SERPINB10: variants seen among roughly 807,000 people sequenced by gnomAD.
SERPINB10 encodes serpin family B member 10.
SERPINB10 carries 35 observed loss-of-function variants against 39.1 expected under a neutral mutation model. The ratio of observed to expected loss-of-function variants is 0.90; its 90% CI spans 0.68 to 1.19. SERPINB10 has a LOEUF of 1.19. Among genes scored for constraint, SERPINB10 ranks in the 50% most tolerant of loss-of-function variants. The pLI is 0.00. For synonymous variants in SERPINB10, 190 were observed against 158.1 expected (o/e 1.20, Z -1.52); for missense variants, 546 against 460.5 (o/e 1.19, Z -1.70).
chr18:63,934,214 A>G (rs1471194497), intron 7 of SERPINB10, among the ~76,000 whole-genome samples: 2 of 152,218 alleles, frequency 1.3e-5, no homozygotes, highest in East Asian at 3.8e-4. Flanking sequence ...ATTTTTGTGT[A>G]TACATATATA....
chr18:63,932,383 C>G (rs1568250664), intron 6 of SERPINB10, among the ~76,000 whole-genome samples: 1 of 152,164 alleles, frequency 6.6e-6, no homozygotes, highest in Non-Finnish European at 1.5e-5. Context: ...CAGTAAATGA[C>G]AGTGCCTGTT....
At position 63,919,934 on chromosome 18, in the gene SERPINB10, G is replaced by A. The variant is rs200005484; in HGVS notation, c.490+29G>A. On this transcript the variant is annotated intron_variant, in intron 5 of 7. Coordinates refer to ENST00000238508, the MANE Select transcript of SERPINB10 (RefSeq NM_005024.3). Reference sequence around the variant, plus strand: ...AGCTTTCACCAAGGGGTTTGGCAGCGTGCTTTTCCCAAACATCCTTGTATT... The same window carrying A: ...AGCTTTCACCAAGGGGTTTGGCAGCATGCTTTTCCCAAACATCCTTGTATT... 1.5e-4 allele frequency: 208 copies of A among 1,400,248 alleles called. No individual in the cohort carries two copies. The African/African-American group carries it at 1.9e-3, about 13-fold the overall frequency. 86.7% of individuals were successfully genotyped at this position (1,400,248 alleles called of 1,614,324 possible).
At chr18:63,920,002 T>G (rs1417572556) in intron 5 of SERPINB10, 97 bp downstream of exon 5, 1 of 675,580 alleles carries the variant, frequency 1.5e-6, no homozygotes, top group East Asian at 2.8e-5. Flanking sequence ...ACTCCTTAAA[T>G]AGAAGTGTGG....
intron 1 of SERPINB10, among the ~76,000 whole-genome samples, chr18:63,912,815 C>T (rs541633284): frequency 8.0e-4 from 121 of 152,058 alleles, no homozygotes; most frequent in African/African-American, 2.8e-3. Context: ...AGAGGAGTCC[C>T]TCCTCTTTAA....
intron 2 of SERPINB10, among the ~76,000 whole-genome samples, chr18:63,916,356 A>T (rs2050102884): frequency 6.6e-6 from 1 of 151,606 alleles, no homozygotes; most frequent in Admixed American, 6.6e-5. Context: ...ATAAAAAAAA[A>T]AAAAAACAGA....
At chr18:63,908,335 T>A (rs963898968) in intron 1 of SERPINB10, among the ~76,000 whole-genome samples, 3 of 152,060 alleles carry the variant, frequency 2.0e-5, no homozygotes, top group African/African-American at 7.2e-5. Context: ...TTACTGGGAA[T>A]TGTGAAATCA....
At chr18:63,921,244 G>C (rs538012725) in intron 5 of SERPINB10, among the ~76,000 whole-genome samples, 1 of 151,882 alleles carries the variant, frequency 6.6e-6, no homozygotes, top group South Asian at 2.1e-4. Context: ...TAAGCACATG[G>C]AATGTTTTGC....
At position 63,930,227 on chromosome 18, in the gene SERPINB10, C is replaced by T. The variant is rs768599455; in HGVS notation, c.633+40C>T. On this transcript the variant is annotated intron_variant, in intron 6 of 7. Transcript: ENST00000238508. ...AAGATCAGTTTGGATTTTCACATGG[C>T]ATTGTACAAGTGATTCTCTTATAAA... is the stretch of plus-strand genomic sequence containing the variant. 3.8e-6 allele frequency: 6 copies of T among 1,592,512 alleles called. No individual in the cohort carries two copies. The Admixed American group carries it at 6.8e-5, about 18-fold the overall frequency.
chr18:63,914,474 T>A (rs1179994160), intron 1 of SERPINB10, among the ~76,000 whole-genome samples: 2 of 152,100 alleles, frequency 1.3e-5, no homozygotes, highest in African/African-American at 2.4e-5. Flanking sequence ...AGCACTTGGT[T>A]AAATCGTTTA....
In SERPINB10 at chr18:63,933,176, G is replaced by T; in HGVS notation, c.762G>T (p.Leu254=). The part of the protein sequence containing the change: ...KSRDLSLLIL[L]PEDINGLEQL... ...GTGACCTCAGCCTGCTTATACTACTGCCAGAAGACATTAATGGGCTGGAAC... is the reference window on the plus strand; with the variant it reads ...GTGACCTCAGCCTGCTTATACTACTTCCAGAAGACATTAATGGGCTGGAAC... The change falls in exon 7 of 8, where the codon CTG becomes CTT. Residue 254 remains leucine, a synonymous_variant. Transcript: ENST00000238508. 6.2e-7 allele frequency: 1 copy of T among 1,613,908 alleles called. No individual in the cohort carries two copies. The highest frequency in any genetic ancestry group is 8.5e-7 in the Non-Finnish European group (1 of 1,179,918).
At chr18:63,918,323 T>C (rs562522697) in intron 4 of SERPINB10, among the ~76,000 whole-genome samples, 37 of 152,102 alleles carry the variant, frequency 2.4e-4, no homozygotes, top group Middle Eastern at 3.4e-3. Flanking sequence ...CTGTCTAGAA[T>C]AAAGAGGTAG....
At chr18:63,923,799 G>T (rs2050162209) in intron 5 of SERPINB10, among the ~76,000 whole-genome samples, 1 of 151,670 alleles carries the variant, frequency 6.6e-6, no homozygotes. Context: ...TATCTGCTTT[G>T]ATTTTCCATT....
rs775642542 is a variant in SERPINB10, at chr18:63,934,819, C to A, written c.790-19C>A. 1.3e-6 allele frequency: 2 copies of A among 1,572,584 alleles called. No homozygotes were observed. The highest frequency in any genetic ancestry group is 2.7e-5 in the African/African-American group (2 of 73,254). On this transcript the variant is annotated intron_variant, in intron 7 of 7. Transcript: ENST00000238508. Reference sequence around the variant, plus strand: ...CTTTGGAATTACTGATTCTTTCTTTCTTGGTTCCAAATGGGCAGCTGGAAA... The same window carrying A: ...CTTTGGAATTACTGATTCTTTCTTTATTGGTTCCAAATGGGCAGCTGGAAA...
At chr18:63,915,217 A>G (rs2050092472) in intron 1 of SERPINB10, among the ~76,000 whole-genome samples, 1 of 152,100 alleles carries the variant, frequency 6.6e-6, no homozygotes, top group African/African-American at 2.4e-5. Context: ...AAATGTCAAG[A>G]GAGTGGCAAA....
At chr18:63,934,271 A>T (rs1326620803) in intron 7 of SERPINB10, among the ~76,000 whole-genome samples, 4 of 152,218 alleles carry the variant, frequency 2.6e-5, no homozygotes, top group African/African-American at 9.6e-5. Flanking sequence ...TTAAAAATTT[A>T]AAATATAAAG....
chr18:63,935,269 A>G lies in SERPINB10; in HGVS notation c.*27A>G. ...TCCTGCATATCTCTCAACAAACAAG[A>G]CCATCTTACAGTGTGAAAAATGTAC... On this transcript the variant is annotated 3_prime_UTR_variant, in exon 8 of 8. Coordinates refer to ENST00000238508, the MANE Select transcript of SERPINB10 (RefSeq NM_005024.3). 1 of 1,526,756 alleles carries G rather than the reference A, an allele frequency of 6.5e-7. No individual in the cohort carries two copies. Among genetic ancestry groups the G allele is most frequent in the Non-Finnish European group, 8.7e-7 (1 of 1,143,848 alleles). The allele number at this position is 1,526,756 out of a possible 1,614,324, so 94.6% of individuals were successfully genotyped here.
intron 4 of SERPINB10, 108 bp downstream of exon 4, chr18:63,918,210 G>T: frequency 8.6e-7 from 1 of 1,160,686 alleles, no homozygotes; most frequent in Non-Finnish European, 1.2e-6. Context: ...TCTTCATGTG[G>T]TCAGTACTTC....
chr18:63,913,696 A>T (rs1345146174), intron 1 of SERPINB10, among the ~76,000 whole-genome samples: 1 of 152,060 alleles, frequency 6.6e-6, no homozygotes, highest in East Asian at 1.9e-4. Flanking sequence ...TGAGCATGTA[A>T]TCAATCTTGG....
At chr18:63,929,447 G>C (rs1245552445) in intron 5 of SERPINB10, among the ~76,000 whole-genome samples, 1 of 151,948 alleles carries the variant, frequency 6.6e-6, no homozygotes, top group African/African-American at 2.4e-5. Flanking sequence ...TAGAGGAGGG[G>C]AAATGATGAA....
Sources: allele counts gnomAD v4.1 joint callset (sites outside exome capture counted in the v4.1 genomes callset), GRCh38; gene constraint gnomAD v4.1.1; transcripts MANE v1.5; gene names NCBI Gene and HGNC (gene_info 2026-07-23, HGNC 2026-07-21).